FARS2: variants seen among roughly 807,000 people sequenced by gnomAD.
The protein encoded by FARS2 is phenylalanine--tRNA ligase, mitochondrial.
Under a neutral mutation model 46.4 loss-of-function variants are expected in FARS2, and 40 were observed. The ratio of observed to expected loss-of-function variants is 0.86; its 90% CI spans 0.67 to 1.12. The LOEUF (loss-of-function observed/expected upper bound fraction) is 1.12, where lower values mean the gene tolerates loss of function less well. FARS2 is among the 50% of genes most tolerant of loss of function. FARS2 has a pLI of 0.00. For synonymous variants in FARS2, 234 were observed against 214.9 expected, an observed-to-expected ratio of 1.09 and a Z score of -0.78; for missense variants, 513 against 567.9, an observed-to-expected ratio of 0.90 and a Z score of 0.98.
At chr6:5,703,998 C>T (rs1326661188) in intron 6 of FARS2, among the ~76,000 whole-genome samples, 4 of 152,218 alleles carry the variant, frequency 2.6e-5, no homozygotes, top group Non-Finnish European at 5.9e-5. Context: ...CGCCTCCTCC[C>T]TTTAGTGAGC....
intron 4 of FARS2, among the ~76,000 whole-genome samples, chr6:5,538,337 C>T (rs900505864): frequency 1.3e-5 from 2 of 151,948 alleles, no homozygotes; most frequent in Non-Finnish European, 2.9e-5. Flanking sequence ...AAAGTACATA[C>T]CCGAGGATAA....
intron 1 of FARS2, among the ~76,000 whole-genome samples, chr6:5,363,568 T>C (rs1758457047): frequency 6.6e-6 from 1 of 152,098 alleles, no homozygotes; most frequent in Non-Finnish European, 1.5e-5. Flanking sequence ...AGTATGTGTA[T>C]ATATATGTGT....
upstream of FARS2, chr6:5,261,042 C>A (rs1282100556): frequency 2.5e-5 from 21 of 848,234 alleles, no homozygotes; most frequent in Non-Finnish European, 3.1e-5. Context: ...AGCAGCCGCT[C>A]CACGCGGCGG....
At chr6:5,320,386 G>A (rs1483257471) in intron 1 of FARS2, among the ~76,000 whole-genome samples, 1 of 152,232 alleles carries the variant, frequency 6.6e-6, no homozygotes, top group Admixed American at 6.5e-5. Flanking sequence ...CCAGTTGACT[G>A]AGATTCACCT....
intron 2 of FARS2, among the ~76,000 whole-genome samples, chr6:5,394,276 A>G (rs1760760103): frequency 6.6e-6 from 1 of 152,216 alleles, no homozygotes; most frequent in African/African-American, 2.4e-5. Flanking sequence ...ATATATGACA[A>G]TGGTCCCACA....
At chr6:5,450,181 G>A (rs1764404873) in intron 4 of FARS2, among the ~76,000 whole-genome samples, 1 of 152,190 alleles carries the variant, frequency 6.6e-6, no homozygotes, top group African/African-American at 2.4e-5. Flanking sequence ...AGTCAGGTGG[G>A]AAATATGGTG....
intron 6 of FARS2, among the ~76,000 whole-genome samples, chr6:5,704,130 A>G (rs1758601398): frequency 6.6e-6 from 1 of 152,090 alleles, no homozygotes; most frequent in Non-Finnish European, 1.5e-5. Flanking sequence ...GTAACAAACC[A>G]CCATAGACTG....
chr6:5,609,221 T>G (rs539154001), intron 5 of FARS2: 179 of 1,191,044 alleles, frequency 1.5e-4, no homozygotes, highest in East Asian at 3.3e-4. Flanking sequence ...AAGCTTTGTT[T>G]CCTAATTAAA....
At chr6:5,290,676 T>G (rs1767440126) in intron 1 of FARS2, among the ~76,000 whole-genome samples, 1 of 152,220 alleles carries the variant, frequency 6.6e-6, no homozygotes, top group Admixed American at 6.5e-5. Context: ...TTTATCCCCC[T>G]GGGGGTGGCT....
intron 2 of FARS2, among the ~76,000 whole-genome samples, chr6:5,376,311 C>T (rs1374251402): frequency 6.6e-6 from 1 of 152,118 alleles, no homozygotes; most frequent in African/African-American, 2.4e-5. Context: ...TATCAATAAA[C>T]AAGAAAATGC....
At chr6:5,578,568 G>A (rs1773122859) in intron 5 of FARS2, among the ~76,000 whole-genome samples, 1 of 152,016 alleles carries the variant, frequency 6.6e-6, no homozygotes, top group African/African-American at 2.4e-5. Context: ...CCAGCACTTT[G>A]GGAGGCCGAG....
chr6:5,529,339 C>T (rs373985993), intron 4 of FARS2, among the ~76,000 whole-genome samples: 1 of 152,066 alleles, frequency 6.6e-6, no homozygotes, highest in Admixed American at 6.6e-5. Flanking sequence ...GACAGAGTCT[C>T]ACTCTGTCGC....
intron 5 of FARS2, among the ~76,000 whole-genome samples, chr6:5,604,305 T>G (rs1774702845): frequency 6.6e-6 from 1 of 152,212 alleles, no homozygotes; most frequent in Non-Finnish European, 1.5e-5. Flanking sequence ...GCTTGCTGTT[T>G]CCCTGGACAC....
At chr6:5,289,704 C>T (rs565191617) in intron 1 of FARS2, among the ~76,000 whole-genome samples, 1 of 152,274 alleles carries the variant, frequency 6.6e-6, no homozygotes, top group African/African-American at 2.4e-5. Context: ...TACTCCAGTG[C>T]AAATGAAGAC....
intron 1 of FARS2, among the ~76,000 whole-genome samples, chr6:5,296,181 G>A (rs1468183949): frequency 1.9e-5 from 2 of 107,182 alleles, no homozygotes; most frequent in Admixed American, 1.5e-4. Flanking sequence ...TAGCTCTGTC[G>A]CCTGGGCTGG....
At chr6:5,350,447 C>T (rs4960080) in intron 1 of FARS2, among the ~76,000 whole-genome samples, 34,480 of 152,036 alleles carry the variant, frequency 0.23, 4,433 homozygotes, top group East Asian at 0.48. Context: ...GCGATAGTAA[C>T]GAAGGCACTG....
intron 4 of FARS2, among the ~76,000 whole-genome samples, chr6:5,527,193 G>A (rs186787192): frequency 6.6e-6 from 1 of 152,344 alleles, no homozygotes; most frequent in East Asian, 1.9e-4. Context: ...CTTCTCCCAA[G>A]CTGGAACTGA....
chr6:5,372,941 G>A (rs1759148803), intron 2 of FARS2, among the ~76,000 whole-genome samples: 1 of 152,108 alleles, frequency 6.6e-6, no homozygotes, highest in Admixed American at 6.6e-5. Context: ...GAAGGGAGGT[G>A]GGTGTATAGT....
chr6:5,543,958 T>C (rs193163721), intron 4 of FARS2, among the ~76,000 whole-genome samples: 5 of 151,842 alleles, frequency 3.3e-5, no homozygotes, highest in Admixed American at 3.3e-4. Flanking sequence ...TATCATAATA[T>C]CCTTGCATGA....
Sources: allele counts gnomAD v4.1 joint callset (sites outside exome capture counted in the v4.1 genomes callset), GRCh38; gene constraint gnomAD v4.1.1; transcripts MANE v1.5; gene names NCBI Gene and HGNC (gene_info 2026-07-23, HGNC 2026-07-21).